Variants in ARHGEF18 observed in about 807,000 individuals in gnomAD.
ARHGEF18 encodes the protein rho guanine nucleotide exchange factor 18.
Under a neutral mutation model 155.7 loss-of-function variants are expected in ARHGEF18, and 93 were observed. That is an observed-to-expected ratio of 0.60 (90% CI 0.50 to 0.71). ARHGEF18 has a LOEUF of 0.71. Ranked by LOEUF, ARHGEF18 falls within the 30% of genes least tolerant of loss-of-function variation. The pLI is 0.00. For synonymous variants in ARHGEF18, 742 were observed against 753.1 expected (o/e 0.99, Z 0.24); for missense variants, 1,593 against 1,816.1 (o/e 0.88, Z 2.23).
At chr19:7,385,446 T>C (rs551283516) in intron 10 of ARHGEF18, among the ~76,000 whole-genome samples, 3 of 83,372 alleles carry the variant, frequency 3.6e-5, no homozygotes, top group South Asian at 4.5e-4. Context: ...GGAACTTCAT[T>C]ATTATTATTA....
chr19:7,465,517 C>T (rs990645355), intron 23 of ARHGEF18, among the ~76,000 whole-genome samples: 1 of 151,636 alleles, frequency 6.6e-6, no homozygotes, highest in Non-Finnish European at 1.5e-5. Context: ...AAGCAATCCT[C>T]CCACCTCAGC....
At chr19:7,364,365 AAAGG>A (rs752918785) in intron 2 of ARHGEF18, among the ~76,000 whole-genome samples, 66 of 112,932 alleles carry the variant, frequency 5.8e-4, no homozygotes, top group South Asian at 1.0e-3. Flanking sequence ...GGAGGGAAGG[AAAGG>A]AAGGAAGGAA....
rs1974577391 is a variant in ARHGEF18 at position 7,440,549 on chromosome 19, TC to T, written c.1106+68del. On this transcript the variant is annotated intron_variant, in intron 11 of 28. Transcript: ENST00000668164. The surrounding 1 kb of genome is among the most constrained non-coding windows in gnomAD (Gnocchi z 5.4). ...ATTCCCCGGGGAGCTGTTGACAGCC[TC>T]TTCGGAGGGAGACCCCGACTTAGAT... 2 of 1,520,284 alleles carry T rather than the reference TC, an allele frequency of 1.3e-6. No individual in the cohort carries two copies. 94.2% of individuals were successfully genotyped at this position (1,520,284 alleles called of 1,614,324 possible).
chr19:7,377,836 G>A (rs563114214), intron 5 of ARHGEF18, among the ~76,000 whole-genome samples: 11 of 150,442 alleles, frequency 7.3e-5, no homozygotes, highest in Admixed American at 7.3e-4. Context: ...TGTAATCCTA[G>A]CACTTTGGGA....
intron 10 of ARHGEF18, among the ~76,000 whole-genome samples, chr19:7,420,145 G>T (rs1973267808): frequency 6.6e-6 from 1 of 152,132 alleles, no homozygotes; most frequent in Admixed American, 6.6e-5. Flanking sequence ...TTAGAGATTG[G>T]GTCTTGCTGT....
chr19:7,420,876 G>C (rs143582381), intron 10 of ARHGEF18, among the ~76,000 whole-genome samples: 1 of 152,332 alleles, frequency 6.6e-6, no homozygotes, highest in Admixed American at 6.5e-5. Context: ...GACTCTGTCT[G>C]CTGTGCTGGT....
chr19:7,385,833 ATCTCTCTCTCTCTCTCTCTCTC>A (rs762196307), intron 10 of ARHGEF18, among the ~76,000 whole-genome samples: 1 of 51,958 alleles, frequency 1.9e-5, no homozygotes, highest in Admixed American at 2.7e-4. Flanking sequence ...ATCTCTCTCT[ATCTCTCTCTCTCTCTCTCTCTC>A]TCTCTCTCTC....
chr19:7,453,507 C>T lies in ARHGEF18; in HGVS notation c.1896C>T (p.Asn632=). ...ATGAAGACCTGACCCAGGCCTTGAA[C>T]CTCATCAAAGATATCATCTCACAAG... ...EDYEDLTQAL[N]LIKDIISQVD... Residue 632 remains asparagine, a synonymous_variant, in exon 17 of 29, where the codon AAC becomes AAT. Transcript: ENST00000668164. The T allele has an allele frequency of 6.2e-7, 1 of 1,613,482 alleles. No homozygotes were observed. Among genetic ancestry groups the T allele is most frequent in the Non-Finnish European group, 8.5e-7 (1 of 1,179,476 alleles).
chr19:7,408,760 C>T (rs971845263), intron 10 of ARHGEF18, among the ~76,000 whole-genome samples: 3 of 152,072 alleles, frequency 2.0e-5, no homozygotes, highest in Admixed American at 6.6e-5. Context: ...ACAACAAGAC[C>T]GGCTGAGTGC....
intron 19 of ARHGEF18, 53 bp from the exon 20 acceptor site, chr19:7,459,850 G>A (rs891054419): frequency 1.4e-5 from 20 of 1,480,582 alleles, no homozygotes; most frequent in East Asian, 7.5e-5. Context: ...CGTCTGTGCC[G>A]AGGCTGGCCT....
chr19:7,351,454 G>T (rs1261855755), intron 1 of ARHGEF18, among the ~76,000 whole-genome samples: 1 of 151,644 alleles, frequency 6.6e-6, no homozygotes, highest in African/African-American at 2.4e-5. Flanking sequence ...CTCCCAAGTA[G>T]CTGGGACTAC....
intron 5 of ARHGEF18, 94 bp downstream of exon 5, chr19:7,376,851 T>C (rs936846961): frequency 1.1e-6 from 1 of 887,740 alleles, no homozygotes; most frequent in Non-Finnish European, 1.5e-6. Flanking sequence ...TCATCCTTCA[T>C]CCTGGAGGGT....
chr19:7,363,944 GGATA>G (rs986245980), intron 2 of ARHGEF18, among the ~76,000 whole-genome samples: 7 of 150,550 alleles, frequency 4.6e-5, no homozygotes, highest in Non-Finnish European at 1.0e-4. Flanking sequence ...AATGAAGGAA[GGATA>G]GATAAATAAT....
chr19:7,474,317 G>T (rs528136637), downstream of ARHGEF18, among the ~76,000 whole-genome samples: 1 of 151,678 alleles, frequency 6.6e-6, no homozygotes, highest in South Asian at 2.1e-4. Context: ...CAGCCTGGGG[G>T]ACAACAGTGA....
chr19:7,407,561 G>A (rs377321885), intron 10 of ARHGEF18, among the ~76,000 whole-genome samples: 115 of 152,124 alleles, frequency 7.6e-4, no homozygotes, highest in African/African-American at 2.2e-3. Flanking sequence ...CTTTTATTCC[G>A]GTTCCTTCTG....
At chr19:7,352,297 G>A (rs887036756) in intron 1 of ARHGEF18, among the ~76,000 whole-genome samples, 2 of 151,792 alleles carry the variant, frequency 1.3e-5, no homozygotes, top group Non-Finnish European at 2.9e-5. Context: ...GCTAGTCTAT[G>A]TCTGGTCCCT....
At chr19:7,468,250 C>CA (rs59156728) in intron 26 of ARHGEF18, among the ~76,000 whole-genome samples, 50,375 of 122,186 alleles carry the variant, frequency 0.41, 11,764 homozygotes, top group Middle Eastern at 0.57. Flanking sequence ...GACCCCGTCT[C>CA]AAAAAAAAAA....
intron 10 of ARHGEF18, among the ~76,000 whole-genome samples, chr19:7,384,097 C>T (rs184521841): frequency 7.4e-4 from 113 of 152,254 alleles, no homozygotes; most frequent in African/African-American, 2.6e-3. Context: ...CGTTTGTAAC[C>T]GAATCCAAAC....
At chr19:7,378,610 C>T (rs775837928) in intron 6 of ARHGEF18, among the ~76,000 whole-genome samples, 159 bp downstream of exon 6, 1 of 151,764 alleles carries the variant, frequency 6.6e-6, no homozygotes, top group Non-Finnish European at 1.5e-5. Flanking sequence ...CTTTCTGCCA[C>T]CATCCTTCTC....
Sources: allele counts gnomAD v4.1 joint callset (sites outside exome capture counted in the v4.1 genomes callset), GRCh38; gene constraint gnomAD v4.1.1; non-coding constraint Gnocchi (gnomAD v3.1); transcripts MANE v1.5; gene names NCBI Gene and HGNC (gene_info 2026-07-23, HGNC 2026-07-21).